The following POU6F2 variants were observed in gnomAD, a reference collection of about 807,000 sequenced individuals.
POU6F2 encodes POU class 6 homeobox 2, also known as POU domain, class 6, transcription factor 2.
Under a neutral mutation model 71.3 loss-of-function variants are expected in POU6F2, and 31 were observed. That is an observed-to-expected ratio of 0.43 (90% CI 0.33 to 0.59). The LOEUF (loss-of-function observed/expected upper bound fraction) is 0.59, where lower values mean the gene tolerates loss of function less well. Ranked by LOEUF, POU6F2 falls within the 20% of genes least tolerant of loss-of-function variation. POU6F2 has a pLI of 0.04. For synonymous variants in POU6F2, 347 were observed against 355.7 expected (o/e 0.98, Z 0.27); for missense variants, 783 against 856.8 (o/e 0.91, Z 1.07).
At chr7:39,100,879 G>A (rs1791555950) in intron 2 of POU6F2, among the ~76,000 whole-genome samples, 1 of 151,934 alleles carries the variant, frequency 6.6e-6, no homozygotes, top group Admixed American at 6.6e-5. Flanking sequence ...AATGATGTTG[G>A]GAAAACAAAT....
chr7:39,042,632 G>T (rs1256306491), intron 1 of POU6F2, among the ~76,000 whole-genome samples: 1 of 152,006 alleles, frequency 6.6e-6, no homozygotes, highest in Non-Finnish European at 1.5e-5. Flanking sequence ...AGCCTATGCT[G>T]ACTGTCACAT....
At chr7:39,119,576 G>C (rs1792000691) in intron 2 of POU6F2, among the ~76,000 whole-genome samples, 1 of 152,120 alleles carries the variant, frequency 6.6e-6, no homozygotes, top group African/African-American at 2.4e-5. Flanking sequence ...GGCTAAAATA[G>C]ATAATCAAGG....
chr7:39,136,874 C>A (rs186028563), intron 2 of POU6F2, among the ~76,000 whole-genome samples: 7 of 151,224 alleles, frequency 4.6e-5, no homozygotes, highest in African/African-American at 1.7e-4. Context: ...GTAGTCCTAG[C>A]TACTCAGGAG....
chr7:39,173,135 A>C (rs1194357224), intron 2 of POU6F2, among the ~76,000 whole-genome samples: 1 of 152,220 alleles, frequency 6.6e-6, no homozygotes, highest in Non-Finnish European at 1.5e-5. Context: ...TACTAATGAG[A>C]TATCTTATAA....
rs569135246 is a variant in POU6F2, at chr7:39,027,131, T to C, written c.105+49073T>C. On this transcript the variant is annotated intron_variant, in intron 1 of 9. Transcript: ENST00000518318. Reference sequence around the variant, plus strand: ...CTGACAGCCCAGAAAACAATATAAGTAAACTACTTATGAAGATTATAGTGT... The same window carrying C: ...CTGACAGCCCAGAAAACAATATAAGCAAACTACTTATGAAGATTATAGTGT... Among the ~76,000 whole-genome samples the C allele has an allele frequency of 5.9e-5, 9 of 152,306 alleles. No homozygotes were observed. The South Asian group carries it at 1.4e-3, about 25-fold the overall frequency.
chr7:39,437,316 T>C (rs1359436955), intron 7 of POU6F2, among the ~76,000 whole-genome samples: 2 of 152,248 alleles, frequency 1.3e-5, no homozygotes, highest in Non-Finnish European at 2.9e-5. Context: ...ATTGGTCTAT[T>C]CAGGGATTTG....
At chr7:39,335,666 A>G (rs1187805827) in intron 4 of POU6F2, among the ~76,000 whole-genome samples, 1 of 152,216 alleles carries the variant, frequency 6.6e-6, no homozygotes, top group African/African-American at 2.4e-5. Flanking sequence ...AACACCATCT[A>G]TCCATACAGT....
chr7:39,283,763 A>G (rs1784605260), intron 4 of POU6F2, among the ~76,000 whole-genome samples: 1 of 152,196 alleles, frequency 6.6e-6, no homozygotes, highest in South Asian at 2.1e-4. Flanking sequence ...AGACCTGCTG[A>G]TTTTACCAAA....
At chr7:39,247,752 C>T (rs930407566) in intron 4 of POU6F2, among the ~76,000 whole-genome samples, 1 of 152,134 alleles carries the variant, frequency 6.6e-6, no homozygotes, top group African/African-American at 2.4e-5. Flanking sequence ...CACCCTATCC[C>T]CCAGGCTAGG....
chr7:38,997,169 A>G (rs1031664699), intron 1 of POU6F2, among the ~76,000 whole-genome samples: 2 of 152,222 alleles, frequency 1.3e-5, no homozygotes, highest in Non-Finnish European at 2.9e-5. Flanking sequence ...GACTTTGTTC[A>G]CTATTGAGCC....
In POU6F2 at chr7:39,151,441, A is replaced by G. The variant is rs556400944; in HGVS notation, c.278-52794A>G. 9.2e-4 allele frequency among the ~76,000 whole-genome samples: 140 copies of G among 152,282 alleles called. 1 individual carries two copies. The highest frequency in any genetic ancestry group is 3.0e-3 in the African/African-American group (126 of 41,540). On this transcript the variant is annotated intron_variant, in intron 2 of 9. Coordinates refer to ENST00000518318, the MANE Select transcript of POU6F2 (RefSeq NM_001370959.1). ...ACTTAGTCATCTCACCATCAGCTTC[A>G]TTAGTCCAGAAGTCGCTGGGACCAC...
chr7:39,212,481 C>T (rs1794160224), intron 4 of POU6F2, among the ~76,000 whole-genome samples: 1 of 152,128 alleles, frequency 6.6e-6, no homozygotes, highest in South Asian at 2.1e-4. Flanking sequence ...CTCCTCAAAG[C>T]CCTGTGTCCC....
intron 1 of POU6F2, among the ~76,000 whole-genome samples, chr7:39,002,843 C>T (rs138993451): frequency 7.9e-4 from 120 of 152,322 alleles, no homozygotes; most frequent in African/African-American, 2.8e-3. Flanking sequence ...CTTCCTTTTC[C>T]TCCCTCTGCT....
At chr7:39,058,363 A>G (rs1378771099) in intron 1 of POU6F2, among the ~76,000 whole-genome samples, 1 of 152,124 alleles carries the variant, frequency 6.6e-6, no homozygotes, top group African/African-American at 2.4e-5. Flanking sequence ...AAGATTCCAA[A>G]TGATGAACCC....
intron 2 of POU6F2, among the ~76,000 whole-genome samples, chr7:39,090,823 T>G (rs2128721812): frequency 6.6e-6 from 1 of 152,338 alleles, no homozygotes; most frequent in African/African-American, 2.4e-5. Context: ...ATGCAAAAAC[T>G]GTTATTTAAA....
intron 5 of POU6F2, among the ~76,000 whole-genome samples, chr7:39,392,355 A>AT (rs1367364745): frequency 6.6e-6 from 1 of 152,210 alleles, no homozygotes; most frequent in Non-Finnish European, 1.5e-5. Flanking sequence ...GAGAATTTGC[A>AT]TTTTTAACAG....
intron 2 of POU6F2, among the ~76,000 whole-genome samples, chr7:39,189,932 C>T (rs1793625984): frequency 6.6e-6 from 1 of 151,870 alleles, no homozygotes; most frequent in Non-Finnish European, 1.5e-5. Context: ...CTCACTCCCT[C>T]ACCCAGGCTG....
intron 1 of POU6F2, chr7:39,002,013 T>C (rs1788930380): frequency 6.6e-6 from 1 of 152,320 alleles, no homozygotes; most frequent in South Asian, 2.1e-4. Context: ...AAAACTAACC[T>C]GTGGTAAAAA....
At chr7:39,030,105 T>C (rs1034803531) in intron 1 of POU6F2, among the ~76,000 whole-genome samples, 2 of 152,080 alleles carry the variant, frequency 1.3e-5, no homozygotes, top group African/African-American at 4.8e-5. Context: ...AAAATTACTT[T>C]TTGAAAGTTT....
Sources: allele counts gnomAD v4.1 joint callset (sites outside exome capture counted in the v4.1 genomes callset), GRCh38; gene constraint gnomAD v4.1.1; transcripts MANE v1.5; gene names NCBI Gene and HGNC (gene_info 2026-07-23, HGNC 2026-07-21).